PCSK2: variants seen among roughly 807,000 people sequenced by gnomAD.
PCSK2 encodes neuroendocrine convertase 2.
In PCSK2, 14 loss-of-function variants were observed where a neutral mutation model predicts 69.7. The ratio of observed to expected loss-of-function variants is 0.20; its 90% CI spans 0.13 to 0.31. The LOEUF (loss-of-function observed/expected upper bound fraction) is 0.31. Ranked by LOEUF, PCSK2 falls within the 10% of genes least tolerant of loss-of-function variation. PCSK2 has a pLI of 1.00. For missense variants in PCSK2, 544 were observed against 842.5 expected (o/e 0.65, Z 4.39); for synonymous variants, 307 against 320.7 (o/e 0.96, Z 0.46).
chr20:17,331,559 C>T (rs1053871834), intron 2 of PCSK2, among the ~76,000 whole-genome samples: 1 of 152,152 alleles, frequency 6.6e-6, no homozygotes, highest in Non-Finnish European at 1.5e-5. Flanking sequence ...ATGTAAGACC[C>T]TTCCCAGGAT....
At chr20:17,386,460 T>C (rs2031236646) in intron 5 of PCSK2, among the ~76,000 whole-genome samples, 1 of 152,124 alleles carries the variant, frequency 6.6e-6, no homozygotes, top group Non-Finnish European at 1.5e-5. Context: ...TATTCAGAAT[T>C]TCAGGAAGGA....
chr20:17,392,320 A>G lies in PCSK2; in HGVS notation c.544-16943A>G, dbSNP rs118184720. 3.2e-3 allele frequency among the ~76,000 whole-genome samples: 483 copies of G among 152,318 alleles called. 2 individuals are homozygous for G. Among genetic ancestry groups the G allele is most frequent in the Middle Eastern group, 0.01 (3 of 294 alleles). ...ATTTTGGGGGGAAACAGTTCTTTTGAATAGGTCCCCTAAAAAAGGCTTGAA... is the reference window on the plus strand; with the variant it reads ...ATTTTGGGGGGAAACAGTTCTTTTGGATAGGTCCCCTAAAAAAGGCTTGAA... On this transcript the variant is annotated intron_variant, in intron 5 of 11. Transcript: ENST00000262545.
chr20:17,443,715 T>C (rs1195196210), intron 8 of PCSK2, among the ~76,000 whole-genome samples: 2 of 152,186 alleles, frequency 1.3e-5, no homozygotes, highest in Non-Finnish European at 2.9e-5. Flanking sequence ...ACTTCTCCAC[T>C]GCCTCTCGAA....
chr20:17,344,330 G>A (rs1401144871), intron 2 of PCSK2, among the ~76,000 whole-genome samples: 4 of 152,032 alleles, frequency 2.6e-5, no homozygotes, highest in East Asian at 3.9e-4. Context: ...AAATATTTCA[G>A]ACATATGCCA....
chr20:17,288,334 T>C (rs1454778886), intron 2 of PCSK2, among the ~76,000 whole-genome samples: 2 of 152,144 alleles, frequency 1.3e-5, no homozygotes, highest in Admixed American at 6.5e-5. Context: ...TTCTGCAACA[T>C]GGTCTGTCAC....
chr20:17,373,954 C>A (rs1179853882), intron 5 of PCSK2, among the ~76,000 whole-genome samples: 1 of 152,170 alleles, frequency 6.6e-6, no homozygotes, highest in Admixed American at 6.5e-5. Context: ...GGGATCCAGT[C>A]CCACTGGTAA....
intron 2 of PCSK2, among the ~76,000 whole-genome samples, chr20:17,295,759 T>C (rs1028961583): frequency 3.9e-5 from 6 of 152,000 alleles, no homozygotes; most frequent in Admixed American, 2.0e-4. Flanking sequence ...TCTTACTATG[T>C]TGCCCAGGCT....
intron 2 of PCSK2, among the ~76,000 whole-genome samples, chr20:17,335,878 G>GTGTGTT (rs1990337127): frequency 6.6e-6 from 1 of 151,690 alleles, no homozygotes; most frequent in African/African-American, 2.4e-5. Context: ...GTGTGTGTGT[G>GTGTGTT]TGTGTGTGTG....
intron 2 of PCSK2, among the ~76,000 whole-genome samples, chr20:17,352,052 A>C (rs1197769588): frequency 6.6e-6 from 1 of 152,254 alleles, no homozygotes; most frequent in Non-Finnish European, 1.5e-5. Context: ...TCTACACGCC[A>C]ATAACGTTCA....
At chr20:17,275,084 C>CATATATAT (rs11474649) in intron 2 of PCSK2, among the ~76,000 whole-genome samples, 1,463 of 141,446 alleles carry the variant, frequency 0.01, 7 homozygotes, top group Non-Finnish European at 0.014. Context: ...ATTATTTATA[C>CATATATAT]ATATATATAT....
intron 2 of PCSK2, among the ~76,000 whole-genome samples, chr20:17,334,293 C>T (rs956742535): frequency 6.6e-5 from 10 of 152,072 alleles, no homozygotes; most frequent in African/African-American, 1.9e-4. Flanking sequence ...GAGAAATTAC[C>T]GGGTACCACA....
intron 2 of PCSK2, among the ~76,000 whole-genome samples, chr20:17,277,257 C>T (rs1988119305): frequency 6.6e-6 from 1 of 152,186 alleles, no homozygotes; most frequent in Non-Finnish European, 1.5e-5. Flanking sequence ...GCCTGCATTG[C>T]CAAGTCAATC....
At chr20:17,344,436 G>A (rs2123178633) in intron 2 of PCSK2, among the ~76,000 whole-genome samples, 1 of 152,220 alleles carries the variant, frequency 6.6e-6, no homozygotes, top group Non-Finnish European at 1.5e-5. Context: ...AATTGACAAG[G>A]CACCACTGTT....
Position 17,305,994 on chromosome 20 carries a change from A to T in PCSK2, c.282+45650A>T, listed in dbSNP as rs1364375012. ...TTTTCTTAGCCTGACATTTTTCTGC[A>T]AATGTGTTACTTCCAAAATGAGGGC... On this transcript the variant is annotated intron_variant, in intron 2 of 11. Transcript: ENST00000262545. Among the ~76,000 whole-genome samples the T allele has an allele frequency of 2.0e-5, 3 of 152,352 alleles. No individual in the cohort carries two copies. The South Asian group carries it at 6.2e-4, about 32-fold the overall frequency.
intron 10 of PCSK2, chr20:17,464,268 G>T (rs568160926): frequency 6.6e-6 from 1 of 152,108 alleles, no homozygotes. Flanking sequence ...CAACCTGTGC[G>T]ATAACCTGGC....
At position 17,461,133 on chromosome 20, in the gene PCSK2, A is replaced by G. The variant is rs528031890; in HGVS notation, c.1203-4193A>G. Among the ~76,000 whole-genome samples, 89 of 152,268 alleles carry G rather than the reference A, an allele frequency of 5.8e-4. 1 individual carries two copies. The highest frequency in any genetic ancestry group is 8.8e-5 in the Non-Finnish European group (6 of 68,012). On this transcript the variant is annotated intron_variant, in intron 10 of 11. Transcript: ENST00000262545. ...GCAGTGAATGAGTTAGCTCTTCCTC[A>G]AACATGATGCACAAAATCAGGTTTC...
At chr20:17,287,161 A>G (rs12480527) in intron 2 of PCSK2, among the ~76,000 whole-genome samples, 24,076 of 152,158 alleles carry the variant, frequency 0.16, 2,314 homozygotes, top group Non-Finnish European at 0.22. Flanking sequence ...ATCTAAAAAA[A>G]AAAAATACCT....
chr20:17,274,665 C>G (rs1600436921), intron 2 of PCSK2, among the ~76,000 whole-genome samples: 1 of 152,192 alleles, frequency 6.6e-6, no homozygotes, highest in Admixed American at 6.5e-5. Context: ...GATCTTTTAG[C>G]CCCAGTCCCA....
At chr20:17,283,459 A>AG (rs1321509296) in intron 2 of PCSK2, among the ~76,000 whole-genome samples, 3 of 152,220 alleles carry the variant, frequency 2.0e-5, no homozygotes, top group Non-Finnish European at 4.4e-5. Context: ...GGTTACACAC[A>AG]GAAACAGCCT....
Sources: gnomAD v4.1 joint callset for allele counts (sites outside exome capture counted in the v4.1 genomes callset) on GRCh38, gnomAD v4.1.1 for gene constraint, MANE v1.5 for transcripts, NCBI Gene and HGNC (gene_info 2026-07-23, HGNC 2026-07-21) for gene names.